Variants in AKAP12 observed in about 807,000 individuals in gnomAD.
AKAP12 encodes A-kinase anchoring protein 12.
AKAP12 carries 32 observed loss-of-function variants against 79.9 expected under a neutral mutation model. That is an observed-to-expected ratio of 0.40 (90% CI 0.30 to 0.54). The LOEUF (loss-of-function observed/expected upper bound fraction) is 0.54, where lower values mean the gene tolerates loss of function less well. AKAP12 is among the 20% of genes least tolerant of loss of function. The pLI is 0.48. For synonymous variants in AKAP12, 808 were observed against 857.0 expected (o/e 0.94, Z 1.00); for missense variants, 2,074 against 2,177.0 (o/e 0.95, Z 0.94).
intron 2 of AKAP12, among the ~76,000 whole-genome samples, chr6:151,279,109 C>A (rs1451260819): frequency 6.6e-6 from 1 of 152,120 alleles, no homozygotes; most frequent in Non-Finnish European, 1.5e-5. Flanking sequence ...GAGAACACAC[C>A]TGGAGTGTCA....
At chr6:151,259,432 G>A (rs1317591427) in intron 2 of AKAP12, among the ~76,000 whole-genome samples, 1 of 147,920 alleles carries the variant, frequency 6.8e-6, no homozygotes, top group African/African-American at 2.5e-5. Flanking sequence ...ATATATGTGT[G>A]TGTATATATG....
Position 151,351,959 on chromosome 6 carries a change from G to A in AKAP12, c.3568G>A (p.Glu1190Lys), listed in dbSNP as rs771722071. Reference protein sequence around the residue: ...FDAPGTTQKDEIVEIHEENEV... With the variant: ...FDAPGTTQKDKIVEIHEENEV... ...CGCACCAGGCACAACCCAGAAAGAC[G>A]AGATTGTGGAAATCCATGAGGAGAA... Residue 1190 changes from glutamate to lysine, a missense_variant, in exon 4 of 5, where the codon GAG (glutamate) becomes AAG (lysine). By Grantham distance (56) the Glu-to-Lys change is moderately conservative. Transcript: ENST00000402676. The surrounding 1 kb of genome is among the most constrained non-coding windows in gnomAD (Gnocchi z 4.4). 5 of 1,613,994 alleles carry A rather than the reference G, an allele frequency of 3.1e-6. No individual in the cohort carries two copies. Among genetic ancestry groups the A allele is most frequent in the South Asian group, 1.1e-5 (1 of 91,076 alleles).
chr6:151,272,213 T>C (rs6930734), intron 2 of AKAP12, among the ~76,000 whole-genome samples: 39,824 of 151,546 alleles, frequency 0.26, 5,241 homozygotes, highest in East Asian at 0.3. Context: ...AGTGTGGTGG[T>C]GCAGGCCTGT....
At chr6:151,280,876 A>G (rs1459782193) in intron 2 of AKAP12, among the ~76,000 whole-genome samples, 3 of 152,114 alleles carry the variant, frequency 2.0e-5, no homozygotes, top group Admixed American at 1.3e-4. Flanking sequence ...TTTGGCAATC[A>G]TATTTCACAA....
chr6:151,278,809 A>C (rs1222898938), intron 2 of AKAP12, among the ~76,000 whole-genome samples: 3 of 152,016 alleles, frequency 2.0e-5, no homozygotes, highest in Non-Finnish European at 2.9e-5. Context: ...CTGGGAGTAC[A>C]GGCACCTGCC....
chr6:151,353,254 C>T lies in AKAP12; in HGVS notation c.4863C>T (p.Thr1621=), dbSNP rs148175549. 2.7e-4 allele frequency: 433 copies of T among 1,614,036 alleles called. No individual in the cohort carries two copies. The highest frequency in any genetic ancestry group is 3.5e-4 in the Non-Finnish European group (413 of 1,180,056). ...CAGCCAAAGAGGAGTCAGAGTCAAC[C>T]GCAGTGGGACAAGCACATTCTGATA... The part of the protein sequence containing the change: ...ITSAKEESES[T]AVGQAHSDIS... The change falls in exon 4 of 5, where the codon ACC becomes ACT. Residue 1621 remains threonine, a synonymous_variant. Transcript: ENST00000402676.
chr6:151,332,031 C>CTGTTTTTTT (rs1777686131), intron 3 of AKAP12, among the ~76,000 whole-genome samples: 1 of 72,792 alleles, frequency 1.4e-5, no homozygotes, highest in African/African-American at 5.6e-5. Flanking sequence ...AGTTCTGGGT[C>CTGTTTTTTT]TGTTTTTTTT....
intron 2 of AKAP12, among the ~76,000 whole-genome samples, chr6:151,256,963 A>ATATATATATATATATATATATATAT (rs1562709082): frequency 2.5e-5 from 2 of 81,278 alleles, no homozygotes; most frequent in African/African-American, 1.5e-4. Context: ...TATATATATA[A>ATATATATATATATATATATATATAT]ACTTTAAATT....
chr6:151,244,480 C>T (rs936824823), intron 2 of AKAP12, among the ~76,000 whole-genome samples: 3 of 152,236 alleles, frequency 2.0e-5, no homozygotes, highest in African/African-American at 7.2e-5. Flanking sequence ...GCCGAGTTGG[C>T]GCCACTGCAC....
At chr6:151,246,842 G>C (rs1409699379) in intron 2 of AKAP12, among the ~76,000 whole-genome samples, 1 of 152,096 alleles carries the variant, frequency 6.6e-6, no homozygotes, top group South Asian at 2.1e-4. Flanking sequence ...GTTTACTGCA[G>C]CCTCGACCTC....
chr6:151,317,446 C>G (rs1213968488), intron 3 of AKAP12, among the ~76,000 whole-genome samples: 4 of 152,120 alleles, frequency 2.6e-5, no homozygotes, highest in African/African-American at 4.8e-5. Flanking sequence ...GAGAAAATAA[C>G]CTGTCTCACA....
At position 151,352,496 on chromosome 6, in the gene AKAP12, G is replaced by A. The variant is rs1202979833; in HGVS notation, c.4105G>A (p.Glu1369Lys). Residue 1369 changes from glutamate to lysine, a missense_variant, in exon 4 of 5, where the codon GAG becomes AAG. This residue lies in a region of AKAP12 where 614 missense variants were observed against 665.6 expected (regional missense o/e 0.92). Transcript: ENST00000402676. ...EHETAVTVSE[E>K]VSKQLLQTVN... Reference sequence around the variant, plus strand: ...CGAAACAGCTGTTACCGTATCTGAAGAGGTCAGTAAGCAGCTCCTCCAGAC... The same window carrying A: ...CGAAACAGCTGTTACCGTATCTGAAAAGGTCAGTAAGCAGCTCCTCCAGAC... The A allele has an allele frequency of 4.3e-6, 7 of 1,614,078 alleles. No homozygotes were observed. Among genetic ancestry groups the A allele is most frequent in the East Asian group, 4.5e-5 (2 of 44,888 alleles).
At chr6:151,324,956 T>C (rs1777486808) in intron 3 of AKAP12, 1 of 985,308 alleles carries the variant, frequency 1.0e-6, no homozygotes, top group South Asian at 4.7e-5. Flanking sequence ...TGTCTAAAAA[T>C]TGGAACATGG....
chr6:151,319,941 GAA>G (rs1250795291), intron 3 of AKAP12: 1 of 152,224 alleles, frequency 6.6e-6, no homozygotes, highest in Non-Finnish European at 1.5e-5. Context: ...CCAGCAAGAA[GAA>G]AAGAGACCCT....
Position 151,240,466 on chromosome 6 carries a change from A to C in AKAP12, c.-97A>C, listed in dbSNP as rs1409992578. 12 of 1,268,484 alleles carry C rather than the reference A, an allele frequency of 9.5e-6. No homozygotes were observed. The highest frequency in any genetic ancestry group is 1.1e-5 in the Non-Finnish European group (11 of 998,300). The allele number at this position is 1,268,484 out of a possible 1,614,324, so 78.6% of individuals were successfully genotyped here. On this transcript the variant is annotated 5_prime_UTR_variant, in exon 2 of 5. Transcript: ENST00000402676. The stretch of plus-strand genomic sequence containing the variant: ...GGCGGCGAAGGAAGGCGCTCTCGGG[A>C]CCTCGCGGGCGCGCGTCTTTTGGCT...
At position 151,302,948 on chromosome 6, in the gene AKAP12, C is replaced by A. The variant is rs370645545; in HGVS notation, c.163-2799C>A. On this transcript the variant is annotated intron_variant, in intron 2 of 4. Coordinates refer to ENST00000402676, the MANE Select transcript of AKAP12 (RefSeq NM_005100.4). ...CAGTGGCTCATGCCTGTAATCCCAG[C>A]ACTTTGGGAGGCTGAGGCGGGCGGA... Among the ~76,000 whole-genome samples, 64 of 152,286 alleles carry A rather than the reference C, an allele frequency of 4.2e-4. 1 individual carries two copies. In the East Asian group the frequency reaches 9.1e-3, roughly 22 times the overall value.
In AKAP12 at chr6:151,349,221, C is replaced by G. The variant is rs367745681; in HGVS notation, c.830C>G (p.Pro277Arg). ...EEGEEKQEKE[P>R]SKSAESPTSP... is the part of the protein sequence containing the mutation. ...GGAGAAGAGAAACAAGAAAAAGAAC[C>G]TAGCAAGTCTGCAGAATCTCCGACT... The change falls in exon 4 of 5, where the codon CCT (proline) becomes CGT (arginine). Residue 277 changes from proline to arginine, a missense_variant. Physicochemically the swap from Pro to Arg is moderately radical, Grantham distance 103. Transcript: ENST00000402676. 18 of 1,613,688 alleles carry G rather than the reference C, an allele frequency of 1.1e-5. No homozygotes were observed. The highest frequency in any genetic ancestry group is 2.7e-5 in the African/African-American group (2 of 74,888).
chr6:151,268,126 G>A (rs759254869), intron 2 of AKAP12, among the ~76,000 whole-genome samples: 1 of 152,194 alleles, frequency 6.6e-6, no homozygotes, highest in African/African-American at 2.4e-5. Flanking sequence ...TTAAAACAGT[G>A]TGACTGCTGG....
In AKAP12 at chr6:151,241,071, C is replaced by T. The variant is rs554309297; in HGVS notation, c.162+347C>T. On this transcript the variant is annotated intron_variant, in intron 2 of 4. Coordinates refer to ENST00000402676, the MANE Select transcript of AKAP12 (RefSeq NM_005100.4). ...CATGCAGCCCGAGGCGGAGGAGCTG[C>T]GCGGAGGGGGATCCGTGGAGAATGG... 7.4e-4 allele frequency among the ~76,000 whole-genome samples: 112 copies of T among 152,290 alleles called. 1 individual carries two copies. The highest frequency in any genetic ancestry group is 2.6e-3 in the African/African-American group (110 of 41,564).
Sources: gnomAD v4.1 joint callset for allele counts (sites outside exome capture counted in the v4.1 genomes callset) on GRCh38, gnomAD v4.1.1 for gene constraint, gnomAD v4.1.1 regional missense constraint, Gnocchi (gnomAD v3.1) non-coding constraint, MANE v1.5 for transcripts, NCBI Gene and HGNC (gene_info 2026-07-23, HGNC 2026-07-21) for gene names.